The following FILIP1L variants were observed in gnomAD, a reference collection of about 807,000 sequenced individuals.
FILIP1L encodes filamin A interacting protein 1 like, also known as filamin A-interacting protein 1-like.
In FILIP1L, 55 loss-of-function variants were observed where a neutral mutation model predicts 96.6. The ratio of observed to expected loss-of-function variants is 0.57; its 90% confidence interval spans 0.46 to 0.71. The LOEUF (loss-of-function observed/expected upper bound fraction) is 0.71. Ranked by LOEUF, FILIP1L falls within the 30% of genes least tolerant of loss-of-function variation. FILIP1L has a pLI of 0.00. For missense variants in FILIP1L, 1,304 were observed against 1,321.2 expected (o/e 0.99, Z 0.20); for synonymous variants, 467 against 473.9 (o/e 0.99, Z 0.19).
chr3:99,934,683 A>C (rs1707601735), intron 1 of FILIP1L, among the ~76,000 whole-genome samples: 1 of 152,152 alleles, frequency 6.6e-6, no homozygotes, highest in South Asian at 2.1e-4. Context: ...CCTGAGCTGC[A>C]ACAGAAGACT....
intron 1 of FILIP1L, among the ~76,000 whole-genome samples, chr3:99,991,861 T>G (rs1709522283): frequency 6.6e-6 from 1 of 150,674 alleles, no homozygotes; most frequent in Non-Finnish European, 1.5e-5. Flanking sequence ...TGTGTGTATG[T>G]GTATATATAT....
At chr3:99,941,212 G>A in intron 1 of FILIP1L, among the ~76,000 whole-genome samples, 1 of 151,962 alleles carries the variant, frequency 6.6e-6, no homozygotes, top group East Asian at 1.9e-4. Flanking sequence ...GACACACGGA[G>A]TTGATATTAT....
rs557047870 is a variant in FILIP1L at position 99,829,200 on chromosome 3, A to C, written c.*1214T>G. The stretch of plus-strand genomic sequence containing the variant: ...TGCTTCCAGTTTTTAGTGAAGGATC[A>C]CAAAAAATGTTTAGTGTCGTTCCAT... On this transcript the variant is annotated 3_prime_UTR_variant, in exon 6 of 6. Transcript: ENST00000477258. Among the ~76,000 whole-genome samples the C allele has an allele frequency of 6.6e-6, 1 of 151,178 alleles. No individual in the cohort carries two copies. The highest frequency in any genetic ancestry group is 2.0e-4 in the East Asian group (1 of 5,058).
At chr3:100,104,731 A>G (rs1403857899) in intron 1 of FILIP1L, among the ~76,000 whole-genome samples, 2 of 152,152 alleles carry the variant, frequency 1.3e-5, no homozygotes, top group East Asian at 3.9e-4. Flanking sequence ...TCAGCTTGTT[A>G]GCTTTCATCA....
chr3:99,925,968 A>G, intron 3 of FILIP1L: 1 of 712,698 alleles, frequency 1.4e-6, no homozygotes, highest in Non-Finnish European at 1.7e-6. Context: ...CTAGTGATAA[A>G]TTAATATCTA....
At chr3:100,024,086 C>CT (rs1205517071) in intron 1 of FILIP1L, among the ~76,000 whole-genome samples, 5 of 152,148 alleles carry the variant, frequency 3.3e-5, no homozygotes, top group Admixed American at 6.5e-5. Flanking sequence ...TCCCACAACT[C>CT]TAACTACATC....
intron 1 of FILIP1L, among the ~76,000 whole-genome samples, chr3:100,026,908 A>T (rs1442686181): frequency 1.3e-5 from 2 of 152,022 alleles, no homozygotes; most frequent in East Asian, 3.9e-4. Context: ...GAAAGCCAAG[A>T]TCCTCCCAAT....
At chr3:100,054,593 T>G (rs1319709798) in intron 1 of FILIP1L, among the ~76,000 whole-genome samples, 1 of 152,116 alleles carries the variant, frequency 6.6e-6, no homozygotes, top group Non-Finnish European at 1.5e-5. Flanking sequence ...AACTATCCAC[T>G]CCTGGCCCAG....
chr3:100,094,727 G>A (rs1160290686), intron 1 of FILIP1L, among the ~76,000 whole-genome samples: 1 of 119,598 alleles, frequency 8.4e-6, no homozygotes, highest in Non-Finnish European at 1.6e-5. Flanking sequence ...TCTGTCACCC[G>A]AGCTGGAGTG....
intron 1 of FILIP1L, among the ~76,000 whole-genome samples, chr3:99,973,046 A>C (rs1362457505): frequency 6.6e-6 from 1 of 152,220 alleles, no homozygotes; most frequent in Non-Finnish European, 1.5e-5. Flanking sequence ...TCTGTTCACA[A>C]AATTAGGTGC....
At chr3:99,939,664 C>T (rs889947512) in intron 1 of FILIP1L, among the ~76,000 whole-genome samples, 1 of 152,124 alleles carries the variant, frequency 6.6e-6, no homozygotes, top group African/African-American at 2.4e-5. Flanking sequence ...AAGTATGGAT[C>T]CAAAAATTTG....
At chr3:100,055,194 A>G (rs894055837) in intron 1 of FILIP1L, among the ~76,000 whole-genome samples, 1 of 152,046 alleles carries the variant, frequency 6.6e-6, no homozygotes, top group African/African-American at 2.4e-5. Context: ...ACTCTTATCA[A>G]TTTCTTCGTG....
At chr3:99,933,869 A>G (rs571707561) in intron 1 of FILIP1L, among the ~76,000 whole-genome samples, 22 of 152,292 alleles carry the variant, frequency 1.4e-4, no homozygotes, top group African/African-American at 5.1e-4. Context: ...CAACTGTCTC[A>G]GGTACATGTT....
intron 5 of FILIP1L, among the ~76,000 whole-genome samples, chr3:99,842,502 G>T (rs1576502039): frequency 1.4e-5 from 1 of 69,504 alleles, no homozygotes; most frequent in African/African-American, 7.9e-5. Context: ...ATTAAAACAG[G>T]CCAAAAAAAA....
At chr3:99,922,995 A>G (rs1046515230) in intron 4 of FILIP1L, among the ~76,000 whole-genome samples, 3 of 151,840 alleles carry the variant, frequency 2.0e-5, no homozygotes, top group Non-Finnish European at 4.4e-5. Flanking sequence ...TCTTTTCTGC[A>G]TTATTTGGTG....
At chr3:99,897,880 C>T (rs746505130) in intron 4 of FILIP1L, among the ~76,000 whole-genome samples, 1 of 152,166 alleles carries the variant, frequency 6.6e-6, no homozygotes, top group African/African-American at 2.4e-5. Context: ...AAACAAATGA[C>T]CACGAATATG....
chr3:99,961,418 T>C (rs768224547), intron 1 of FILIP1L, among the ~76,000 whole-genome samples: 15 of 152,212 alleles, frequency 9.9e-5, no homozygotes, highest in Non-Finnish European at 2.2e-4. Context: ...ATGACTCTTA[T>C]GCTATATATG....
In FILIP1L at chr3:99,849,700, A is replaced by G. The variant is rs200199742; in HGVS notation, c.1976T>C (p.Leu659Pro). Residue 659 changes from leucine (L) to proline (P), a missense_variant, in exon 5 of 6, where the codon CTA becomes CCA. Transcript: ENST00000477258. ...TCGTTCATTAGCATACCTTCGTTCT[A>G]GAGTCTCATATTCATCTTCTGTTTT... is the stretch of plus-strand genomic sequence containing the variant. The part of the protein sequence containing the change: ...LMKTEDEYET[L>P]ERRYANERDK... 1 of 1,613,436 alleles carries G rather than the reference A, an allele frequency of 6.2e-7. No homozygotes were observed. The highest frequency in any genetic ancestry group is 1.3e-5 in the African/African-American group (1 of 74,896).
At chr3:100,083,708 C>G (rs1576035927) in intron 1 of FILIP1L, among the ~76,000 whole-genome samples, 3 of 152,222 alleles carry the variant, frequency 2.0e-5, no homozygotes, top group South Asian at 4.2e-4. Flanking sequence ...TTTTCAACTT[C>G]ATAAAAAAAA....
Sources: gnomAD v4.1 joint callset for allele counts (sites outside exome capture counted in the v4.1 genomes callset) on GRCh38, gnomAD v4.1.1 for gene constraint, MANE v1.5 for transcripts, NCBI Gene and HGNC (gene_info 2026-07-23, HGNC 2026-07-21) for gene names.